The following USO1 variants were observed in gnomAD, a reference collection of about 807,000 sequenced individuals.
USO1 encodes USO1 vesicle transport factor.
A neutral mutation model predicts 124.5 loss-of-function variants in USO1; 57 were observed. That is an observed-to-expected ratio of 0.46 (90% confidence interval 0.37 to 0.57). USO1 has a LOEUF of 0.57. Ranked by LOEUF, USO1 falls within the 20% of genes least tolerant of loss-of-function variation. The probability of loss-of-function intolerance (pLI) is 0.00; values close to 1 mark genes in which losing one functional copy is unlikely to be tolerated. For missense variants in USO1, 900 were observed against 1,040.6 expected (o/e 0.86, Z 1.86); for synonymous variants, 369 against 362.8 (o/e 1.02, Z -0.19).
At chr4:75,749,776 G>A (rs796423058) in intron 1 of USO1, among the ~76,000 whole-genome samples, 6 of 146,274 alleles carry the variant, frequency 4.1e-5, no homozygotes, top group Non-Finnish European at 6.0e-5. Flanking sequence ...CTCCCGAGAC[G>A]GAGTCTTGCA....
chr4:75,799,767 A>G (rs889498755), intron 14 of USO1, 35 bp downstream of exon 14: 23 of 1,604,126 alleles, frequency 1.4e-5, no homozygotes, highest in Non-Finnish European at 2.0e-5. Flanking sequence ...ACATGTAAGT[A>G]TTTATATCTT....
chr4:75,802,569 C>G (rs560128984), intron 17 of USO1, among the ~76,000 whole-genome samples: 1 of 152,112 alleles, frequency 6.6e-6, no homozygotes, highest in African/African-American at 2.4e-5. Context: ...GATAATTCAT[C>G]CTAAGGGAAT....
At chr4:75,778,736 T>C (rs1324590789) in intron 8 of USO1, among the ~76,000 whole-genome samples, 4 of 152,208 alleles carry the variant, frequency 2.6e-5, no homozygotes, top group Non-Finnish European at 5.9e-5. Flanking sequence ...CATAGAACTT[T>C]ATAGCACAGA....
chr4:75,727,847 C>A (rs1720509354), intron 1 of USO1, among the ~76,000 whole-genome samples: 1 of 152,126 alleles, frequency 6.6e-6, no homozygotes, highest in Non-Finnish European at 1.5e-5. Context: ...ATCAGCGCCT[C>A]CCCTAATCTG....
At position 75,793,847 on chromosome 4, in the gene USO1, T is replaced by A; in HGVS notation, c.1398T>A (p.Ser466Arg). Residue 466 changes from serine (S) to arginine (R), a missense_variant, in exon 13 of 24, where the codon AGT becomes AGA. Ser to Arg is a moderately radical substitution (Grantham distance 110, BLOSUM62 -1). Around this residue, in one of 2 missense-constraint regions of USO1, gnomAD observed 538 missense variants for 681.6 expected, o/e 0.79. Coordinates refer to ENST00000514213, the MANE Select transcript of USO1 (RefSeq NM_003715.4). ...TGCTCAGGGTTCAACTTGCTACAAG[T>A]ATTGGCAACCCTCCAGTTTCTTTAC... Reference protein sequence around the residue: ...EQLLRVQLATSIGNPPVSLLQ... With the variant: ...EQLLRVQLATRIGNPPVSLLQ... 1 of 1,614,008 alleles carries A rather than the reference T, an allele frequency of 6.2e-7. No individual in the cohort carries two copies. Among genetic ancestry groups the A allele is most frequent in the Non-Finnish European group, 8.5e-7 (1 of 1,179,870 alleles).
Position 75,813,263 on chromosome 4 carries a change from G to A in USO1, c.2857G>A (p.Glu953Lys). Residue 953 changes from glutamate to lysine, a missense_variant, in exon 24 of 24, where the codon GAA becomes AAA. Physicochemically the swap from Glu to Lys is moderately conservative, Grantham distance 56 (BLOSUM62 1). Around this residue, in one of 2 missense-constraint regions of USO1, gnomAD observed 362 missense variants for 359.0 expected, o/e 1.01. Transcript: ENST00000514213. ...GDQEDEDDESEDPGKDLDHI is the reference protein window; with the variant it reads ...GDQEDEDDESKDPGKDLDHI ...CCAAGAGGATGAGGATGATGAAAGT[G>A]AAGATCCTGGCAAGGATCTAGATCA... 2 of 1,611,274 alleles carry A rather than the reference G, an allele frequency of 1.2e-6. No homozygotes were observed. The highest frequency in any genetic ancestry group is 1.7e-6 in the Non-Finnish European group (2 of 1,179,030).
At chr4:75,751,276 A>G (rs968394723) in intron 1 of USO1, among the ~76,000 whole-genome samples, 94 of 150,784 alleles carry the variant, frequency 6.2e-4, no homozygotes, top group Middle Eastern at 3.4e-3. Flanking sequence ...CAGTGGTGCA[A>G]TCTCGGCTCA....
chr4:75,767,105 T>C (rs1351226952), intron 4 of USO1, among the ~76,000 whole-genome samples: 2 of 152,196 alleles, frequency 1.3e-5, no homozygotes, highest in Non-Finnish European at 2.9e-5. Flanking sequence ...ACTCTTTGTC[T>C]CCTTCGCAGT....
In USO1 at chr4:75,813,272, G is replaced by T; in HGVS notation, c.2866G>T (p.Gly956Cys). The change falls in exon 24 of 24, where the codon GGC (glycine) becomes TGC (cysteine). Residue 956 changes from glycine to cysteine, a missense_variant. By Grantham distance (159) the Gly-to-Cys change is radical. Coordinates refer to ENST00000514213, the MANE Select transcript of USO1 (RefSeq NM_003715.4). ...EDEDDESEDPGKDLDHI is the reference protein window; with the variant it reads ...EDEDDESEDPCKDLDHI ...TGAGGATGATGAAAGTGAAGATCCT[G>T]GCAAGGATCTAGATCATATCTAGTT... 1 of 1,610,726 alleles carries T rather than the reference G, an allele frequency of 6.2e-7. No homozygotes were observed. Among genetic ancestry groups the T allele is most frequent in the South Asian group, 1.1e-5 (1 of 90,370 alleles).
intron 17 of USO1, among the ~76,000 whole-genome samples, chr4:75,802,771 T>A (rs1342761508): frequency 7.2e-6 from 1 of 138,036 alleles, no homozygotes; most frequent in Non-Finnish European, 1.6e-5. Flanking sequence ...TGAGACAGTT[T>A]CGCTCTTGTT....
At chr4:75,781,075 G>C (rs1722208632) in intron 8 of USO1, among the ~76,000 whole-genome samples, 1 of 152,088 alleles carries the variant, frequency 6.6e-6, no homozygotes, top group South Asian at 2.1e-4. Flanking sequence ...TGCCATTCTA[G>C]ATACCATTAA....
intron 1 of USO1, among the ~76,000 whole-genome samples, chr4:75,730,934 T>C (rs949061174): frequency 1.3e-5 from 2 of 152,172 alleles, no homozygotes; most frequent in African/African-American, 4.8e-5. Flanking sequence ...GAAAAACTTT[T>C]GTGGTGTTAG....
In USO1 at chr4:75,734,865, A is replaced by T. The variant is rs191645787; in HGVS notation, c.66+9980A>T. ...TGCCTCAGCCTCCCAAGTAGCTGGG[A>T]TTACAGGCACCCACCACCACACCCA... On this transcript the variant is annotated intron_variant, in intron 1 of 23. Transcript: ENST00000514213. Among the ~76,000 whole-genome samples, 332 of 151,226 alleles carry T rather than the reference A, an allele frequency of 2.2e-3. 2 individuals are homozygous for T. The East Asian group carries it at 0.022, about 10-fold the overall frequency.
rs559820241 is a variant in USO1 at position 75,790,069 on chromosome 4, A to G, written c.997-81A>G. 3.1e-4 allele frequency: 426 copies of G among 1,373,414 alleles called. 9 individuals are homozygous for G. The South Asian group carries it at 6.1e-3, about 20-fold the overall frequency. 85.1% of individuals were successfully genotyped at this position (1,373,414 alleles called of 1,614,324 possible). On this transcript the variant is annotated intron_variant, in intron 10 of 23. Coordinates refer to ENST00000514213, the MANE Select transcript of USO1 (RefSeq NM_003715.4). ...TAATAAAAAAAAAAACAAAAAAAAA[A>G]GATTTTTTTTCTATTGAAAACATAT... is the stretch of plus-strand genomic sequence containing the variant.
intron 9 of USO1, among the ~76,000 whole-genome samples, chr4:75,786,541 A>T (rs142748850): frequency 6.6e-6 from 1 of 152,272 alleles, no homozygotes; most frequent in Non-Finnish European, 1.5e-5. Flanking sequence ...AATCATAGGG[A>T]TTTAATTGGC....
At chr4:75,786,957 C>G in intron 9 of USO1, 105 bp from the exon 10 acceptor site, 1 of 1,330,990 alleles carries the variant, frequency 7.5e-7, no homozygotes, top group East Asian at 2.9e-5. Context: ...AGCTAAGCAG[C>G]TAAGGGAGTA....
At chr4:75,776,606 C>T (rs186578486) in intron 8 of USO1, among the ~76,000 whole-genome samples, 1 of 152,212 alleles carries the variant, frequency 6.6e-6, no homozygotes, top group East Asian at 1.9e-4. Context: ...CATTAAGGCT[C>T]TAGGGTTCAC....
At chr4:75,811,501 CAAG>C (rs1206108298) in intron 22 of USO1, among the ~76,000 whole-genome samples, 2 of 152,124 alleles carry the variant, frequency 1.3e-5, no homozygotes, top group African/African-American at 4.8e-5. Context: ...AATAACAAAA[CAAG>C]GAGTACAAAT....
At chr4:75,788,723 T>C (rs1722442666) in intron 10 of USO1, among the ~76,000 whole-genome samples, 1 of 151,930 alleles carries the variant, frequency 6.6e-6, no homozygotes, top group African/African-American at 2.4e-5. Flanking sequence ...TTTGTATTTT[T>C]AGTAGAGACG....
Sources: gnomAD v4.1 joint callset for allele counts (sites outside exome capture counted in the v4.1 genomes callset) on GRCh38, gnomAD v4.1.1 for gene constraint, gnomAD v4.1.1 regional missense constraint, MANE v1.5 for transcripts, NCBI Gene and HGNC (gene_info 2026-07-23, HGNC 2026-07-21) for gene names.